The following CHODL variants were observed in gnomAD, a reference collection of about 807,000 sequenced individuals.
The protein encoded by CHODL is transmembrane protein MT75.
A neutral mutation model predicts 34.5 loss-of-function variants in CHODL; 29 were observed. The ratio of observed to expected loss-of-function variants is 0.84; its 90% CI spans 0.63 to 1.15. The LOEUF (loss-of-function observed/expected upper bound fraction) is 1.15, where lower values mean the gene tolerates loss of function less well. Among genes scored for constraint, CHODL ranks in the 50% most tolerant of loss-of-function variants. CHODL has a pLI of 0.00. For missense variants in CHODL, 332 were observed against 332.5 expected, an observed-to-expected ratio of 1.00 and a Z score of 0.01; for synonymous variants, 125 against 116.1, an observed-to-expected ratio of 1.08 and a Z score of -0.49.
At chr21:18,175,830 G>T (rs1160269353) in intron 2 of CHODL, among the ~76,000 whole-genome samples, 3 of 149,978 alleles carry the variant, frequency 2.0e-5, no homozygotes, top group East Asian at 3.9e-4. Flanking sequence ...CCAGAGAGTG[G>T]CTGGCAAAGG....
At chr21:18,121,170 A>G (rs561050233) in intron 2 of CHODL, among the ~76,000 whole-genome samples, 34 of 152,202 alleles carry the variant, frequency 2.2e-4, no homozygotes, top group African/African-American at 7.9e-4. Context: ...GTGGTTCTAA[A>G]TAAGATCTTT....
intron 2 of CHODL, among the ~76,000 whole-genome samples, chr21:18,081,667 G>A (rs547043995): frequency 6.8e-6 from 1 of 147,436 alleles, no homozygotes; most frequent in Non-Finnish European, 1.5e-5. Flanking sequence ...GGCAAGAAGA[G>A]AGAAACTCCA....
intron 1 of CHODL, among the ~76,000 whole-genome samples, chr21:18,000,822 CAGT>C (rs2063898228): frequency 6.6e-6 from 1 of 152,122 alleles, no homozygotes; most frequent in Admixed American, 6.5e-5. Flanking sequence ...TAAAAAATAA[CAGT>C]GGTCAAAAAT....
intron 2 of CHODL, among the ~76,000 whole-genome samples, chr21:18,216,184 C>T (rs1012172758): frequency 4.6e-5 from 7 of 151,256 alleles, no homozygotes; most frequent in South Asian, 4.2e-4. Flanking sequence ...TTATGGGGTA[C>T]GTGTAATATT....
chr21:18,091,154 G>A (rs1225012322), intron 2 of CHODL, among the ~76,000 whole-genome samples: 2 of 152,220 alleles, frequency 1.3e-5, no homozygotes, highest in Non-Finnish European at 2.9e-5. Context: ...GGGAACATTT[G>A]GACCAGCCCT....
At chr21:18,240,528 A>G (rs959928980), upstream of CHODL, among the ~76,000 whole-genome samples, 1 of 152,174 alleles carries the variant, frequency 6.6e-6, no homozygotes, top group Non-Finnish European at 1.5e-5. Flanking sequence ...TCAATTATGT[A>G]TCTAATAACT....
At chr21:18,075,964 A>G (rs1456040699) in intron 2 of CHODL, among the ~76,000 whole-genome samples, 1 of 152,182 alleles carries the variant, frequency 6.6e-6, no homozygotes, top group African/African-American at 2.4e-5. Context: ...ACAAGTCAGG[A>G]CGTGAGCCCT....
intron 2 of CHODL, among the ~76,000 whole-genome samples, chr21:18,224,620 T>C (rs2073914891): frequency 6.6e-6 from 1 of 152,158 alleles, no homozygotes; most frequent in Non-Finnish European, 1.5e-5. Flanking sequence ...GAGCACAAAT[T>C]AGTATAGAGC....
intron 5 of CHODL, among the ~76,000 whole-genome samples, chr21:18,263,796 T>G (rs1219872898): frequency 6.6e-6 from 1 of 152,102 alleles, no homozygotes; most frequent in Non-Finnish European, 1.5e-5. Flanking sequence ...TTCATCTTCT[T>G]CTTTTTCTGA....
intron 2 of CHODL, among the ~76,000 whole-genome samples, chr21:18,131,837 A>C (rs2072658512): frequency 1.3e-5 from 2 of 152,060 alleles, no homozygotes. Context: ...TTCTTTTTTT[A>C]AACCTTTTTT....
At chr21:18,162,503 A>G (rs764766311) in intron 2 of CHODL, among the ~76,000 whole-genome samples, 5 of 150,396 alleles carry the variant, frequency 3.3e-5, no homozygotes, top group Non-Finnish European at 7.4e-5. Flanking sequence ...AAATTTACCC[A>G]TTTAATAAGG....
chr21:17,993,313 C>G (rs1018940789), intron 1 of CHODL, among the ~76,000 whole-genome samples: 3 of 152,080 alleles, frequency 2.0e-5, no homozygotes, highest in Non-Finnish European at 4.4e-5. Flanking sequence ...TATTTCATCA[C>G]CCAGGCATTA....
intron 2 of CHODL, among the ~76,000 whole-genome samples, chr21:18,131,244 A>G (rs2072651171): frequency 6.6e-6 from 1 of 151,984 alleles, no homozygotes; most frequent in African/African-American, 2.4e-5. Flanking sequence ...TGCCTTCATG[A>G]CCTAATTCCT....
At position 17,921,400 on chromosome 21, in the gene CHODL, G is replaced by A. The variant is rs996181749; in HGVS notation, c.-145+4000G>A. Among the ~76,000 whole-genome samples the A allele has an allele frequency of 5.3e-5, 8 of 152,300 alleles. No homozygotes were observed. The East Asian group carries it at 9.7e-4, about 18-fold the overall frequency. ...TTAACACATAAAATTAACCACCAAG[G>A]GTGTGTTGGGCAGAAGTGATGTGTG... is the stretch of plus-strand genomic sequence containing the variant. On this transcript the variant is annotated intron_variant, in intron 1 of 6. Transcript: ENST00000400127.
intron 1 of CHODL, among the ~76,000 whole-genome samples, chr21:17,976,665 ATTTG>A (rs1376538062): frequency 3.3e-5 from 5 of 152,148 alleles, no homozygotes; most frequent in Non-Finnish European, 7.4e-5. Context: ...GATTATTGAT[ATTTG>A]TTCAGCTCTT....
Position 17,981,230 on chromosome 21 carries a change from G to A in CHODL, c.-144-46642G>A, listed in dbSNP as rs117503458. Among the ~76,000 whole-genome samples the A allele has an allele frequency of 1.7e-3, 257 of 152,260 alleles. 1 individual carries two copies. Among genetic ancestry groups the A allele is most frequent in the Non-Finnish European group, 3.0e-3 (205 of 68,006 alleles). On this transcript the variant is annotated intron_variant, in intron 1 of 6. Coordinates refer to the CHODL transcript ENST00000400127. ...CTTCATGAGCACAGTAGGCTCTGAC[G>A]TGTAGGTGCTGCTAGAAGGAACTTT...
At chr21:17,959,980 A>G (rs1243938749) in intron 1 of CHODL, among the ~76,000 whole-genome samples, 3 of 152,192 alleles carry the variant, frequency 2.0e-5, no homozygotes, top group East Asian at 1.9e-4. Context: ...TGATATGGGC[A>G]TTGGTGAACA....
intron 2 of CHODL, among the ~76,000 whole-genome samples, chr21:18,102,271 G>A (rs1397468617): frequency 1.3e-5 from 2 of 152,108 alleles, no homozygotes; most frequent in Admixed American, 6.6e-5. Context: ...ACTTCCTTTT[G>A]TCATTTCAGG....
intron 2 of CHODL, among the ~76,000 whole-genome samples, chr21:18,106,327 C>A (rs1265812779): frequency 2.0e-5 from 3 of 152,104 alleles, no homozygotes; most frequent in African/African-American, 2.4e-5. Context: ...CCTGTGAAAA[C>A]CTAAAATGTA....
Sources: allele counts gnomAD v4.1 joint callset (sites outside exome capture counted in the v4.1 genomes callset), GRCh38; gene constraint gnomAD v4.1.1; transcripts MANE v1.5; gene names NCBI Gene and HGNC (gene_info 2026-07-23, HGNC 2026-07-21).